The following CTNNA2 variants were observed in gnomAD, a reference collection of about 807,000 sequenced individuals.
The protein encoded by CTNNA2 is catenin alpha-2.
CTNNA2 carries 42 observed loss-of-function variants against 101.0 expected under a neutral mutation model. The observed-to-expected ratio is 0.42, with a 90% CI of 0.32 to 0.54. CTNNA2 has a LOEUF of 0.54. Ranked by LOEUF, CTNNA2 falls within the 20% of genes least tolerant of loss-of-function variation. The pLI is 0.14. For missense variants in CTNNA2, 871 were observed against 1,223.1 expected (o/e 0.71, Z 4.29); for synonymous variants, 450 against 456.4 (o/e 0.99, Z 0.18).
intron 7 of CTNNA2, among the ~76,000 whole-genome samples, chr2:80,040,536 A>AT (rs1695974345): frequency 6.6e-6 from 1 of 152,156 alleles, no homozygotes; most frequent in Admixed American, 6.5e-5. Context: ...CACCTTCACC[A>AT]TTATTCAAAT....
At chr2:80,164,939 GTTTTTT>G (rs774573996) in intron 7 of CTNNA2, among the ~76,000 whole-genome samples, 4 of 99,272 alleles carry the variant, frequency 4.0e-5, no homozygotes, top group Non-Finnish European at 7.9e-5. Flanking sequence ...CCAACTTTTG[GTTTTTT>G]TTTTTTTTTT....
upstream of CTNNA2, among the ~76,000 whole-genome samples, chr2:79,508,640 TATTA>T (rs1294932770): frequency 1.7e-4 from 26 of 152,090 alleles, no homozygotes; most frequent in Admixed American, 1.3e-4. Flanking sequence ...ATATTAGAAG[TATTA>T]ATTAAAGCAA....
chr2:79,224,953 A>AT (rs529803171), intron 2 of CTNNA2, among the ~76,000 whole-genome samples: 2 of 151,488 alleles, frequency 1.3e-5, no homozygotes, highest in South Asian at 2.1e-4. Context: ...GTATTTAAGT[A>AT]TTTTTTTTCT....
chr2:80,425,845 A>G (rs1325480121), intron 9 of CTNNA2, among the ~76,000 whole-genome samples: 1 of 152,198 alleles, frequency 6.6e-6, no homozygotes, highest in African/African-American at 2.4e-5. Flanking sequence ...GGACAGTTTT[A>G]GTATATATAA....
intron 1 of CTNNA2, among the ~76,000 whole-genome samples, chr2:79,545,467 C>T (rs993834035): frequency 1.3e-5 from 2 of 152,080 alleles, no homozygotes; most frequent in African/African-American, 2.4e-5. Flanking sequence ...AACTGTTACA[C>T]GAGAGAAAAA....
intron 1 of CTNNA2, among the ~76,000 whole-genome samples, chr2:79,527,023 A>C (rs981881988): frequency 6.6e-6 from 1 of 152,156 alleles, no homozygotes; most frequent in African/African-American, 2.4e-5. Flanking sequence ...TATCAAAATT[A>C]AAAACTTTTA....
At chr2:80,257,680 C>G (rs528989956) in intron 7 of CTNNA2, among the ~76,000 whole-genome samples, 1 of 152,320 alleles carries the variant, frequency 6.6e-6, no homozygotes, top group South Asian at 2.1e-4. Flanking sequence ...CAGTCCTAAA[C>G]CATTCATGTG....
intron 7 of CTNNA2, among the ~76,000 whole-genome samples, chr2:79,990,726 G>A (rs1692113103): frequency 6.6e-6 from 1 of 152,052 alleles, no homozygotes; most frequent in Non-Finnish European, 1.5e-5. Context: ...TAGGGATATT[G>A]GTCTAAAATT....
chr2:79,936,218 GT>G (rs201740636), intron 7 of CTNNA2, among the ~76,000 whole-genome samples: 2,035 of 140,572 alleles, frequency 0.014, 55 homozygotes, highest in African/African-American at 0.051. Flanking sequence ...TTCTGAGTTT[GT>G]TTTTTTTTAT....
chr2:79,313,887 C>A (rs1164413138), intron 3 of CTNNA2, among the ~76,000 whole-genome samples: 2 of 152,082 alleles, frequency 1.3e-5, no homozygotes, highest in Non-Finnish European at 2.9e-5. Flanking sequence ...AAGGAACTCT[C>A]CTCATATGAC....
intron 7 of CTNNA2, among the ~76,000 whole-genome samples, chr2:80,266,228 T>C (rs1163094292): frequency 6.6e-6 from 1 of 152,204 alleles, no homozygotes; most frequent in South Asian, 2.1e-4. Context: ...GAGTGCATCC[T>C]TATGCTAATG....
intron 4 of CTNNA2, among the ~76,000 whole-genome samples, chr2:79,387,887 AT>A (rs1678122629): frequency 6.6e-6 from 1 of 152,198 alleles, no homozygotes; most frequent in Non-Finnish European, 1.5e-5. Context: ...TCAAAACCAG[AT>A]GTGAGAAAGC....
intron 3 of CTNNA2, among the ~76,000 whole-genome samples, chr2:79,776,653 A>G (rs929930260): frequency 5.9e-5 from 9 of 152,234 alleles, no homozygotes; most frequent in Admixed American, 2.6e-4. Context: ...CTTGTTAATC[A>G]TATTTCAAAA....
intron 7 of CTNNA2, among the ~76,000 whole-genome samples, chr2:79,915,067 T>C (rs1454962108): frequency 1.3e-5 from 2 of 152,088 alleles, no homozygotes; most frequent in African/African-American, 4.8e-5. Flanking sequence ...GCCTCCAGCA[T>C]GCTGTTCCAC....
chr2:80,081,761 C>G (rs1310024433), intron 7 of CTNNA2, among the ~76,000 whole-genome samples: 1 of 142,042 alleles, frequency 7.0e-6, no homozygotes, highest in East Asian at 2.2e-4. Flanking sequence ...TGCTCTCTTT[C>G]TCTATTTCTG....
chr2:79,723,893 G>A (rs1686645487), intron 2 of CTNNA2, among the ~76,000 whole-genome samples: 1 of 152,280 alleles, frequency 6.6e-6, no homozygotes, highest in Non-Finnish European at 1.5e-5. Context: ...TCCTGCCTGT[G>A]TCTTTTCCTG....
At chr2:80,098,252 G>A (rs1025766180) in intron 7 of CTNNA2, among the ~76,000 whole-genome samples, 5 of 152,200 alleles carry the variant, frequency 3.3e-5, no homozygotes, top group African/African-American at 9.7e-5. Context: ...CAGGTCTGTT[G>A]GAGTTTGCTG....
intron 7 of CTNNA2, among the ~76,000 whole-genome samples, chr2:80,141,446 T>A (rs1036898527): frequency 1.3e-5 from 2 of 151,958 alleles, no homozygotes; most frequent in Non-Finnish European, 2.9e-5. Flanking sequence ...TGGGGCATAT[T>A]GTGAGGGAGG....
intron 2 of CTNNA2, among the ~76,000 whole-genome samples, chr2:79,298,989 C>A (rs751592322): frequency 2.0e-5 from 3 of 152,190 alleles, no homozygotes; most frequent in Admixed American, 1.3e-4. Context: ...CTTAGCTCTT[C>A]ATTTGAAGAG....
Sources: allele counts gnomAD v4.1 joint callset (sites outside exome capture counted in the v4.1 genomes callset), GRCh38; gene constraint gnomAD v4.1.1; transcripts MANE v1.5; gene names NCBI Gene and HGNC (gene_info 2026-07-23, HGNC 2026-07-21).